Variants in ADGRL2 observed in about 807,000 individuals in gnomAD.
ADGRL2 encodes the protein adhesion G protein-coupled receptor L2.
A neutral mutation model predicts 157.4 loss-of-function variants in ADGRL2; 44 were observed. That is an observed-to-expected ratio of 0.28 (90% confidence interval 0.22 to 0.36). The LOEUF is 0.36. Among genes scored for constraint, ADGRL2 ranks in the 10% least tolerant of loss-of-function variants. The probability of loss-of-function intolerance (pLI) is 1.00; values close to 1 mark genes in which losing one functional copy is unlikely to be tolerated. For synonymous variants in ADGRL2, 585 were observed against 624.7 expected (o/e 0.94, Z 0.95); for missense variants, 1,510 against 1,768.9 (o/e 0.85, Z 2.63).
At chr1:81,888,163 C>T (rs1032567307) in intron 2 of ADGRL2, among the ~76,000 whole-genome samples, 1 of 152,050 alleles carries the variant, frequency 6.6e-6, no homozygotes, top group Non-Finnish European at 1.5e-5. Context: ...GGTATGGAGA[C>T]AATAAGTTAC....
chr1:81,613,417 C>G lies in ADGRL2; in HGVS notation c.-143+32437C>G, dbSNP rs546127198. ...TGAAAGCCTGGGAAGGAGGTGAGGC[C>G]GTAACTGAATCTTGAAGGTCATATA... On this transcript the variant is annotated intron_variant, in intron 3 of 24. Coordinates refer to the ADGRL2 transcript ENST00000370721. 5.0e-4 allele frequency among the ~76,000 whole-genome samples: 76 copies of G among 152,116 alleles called. No homozygotes were observed. In the Middle Eastern group the frequency reaches 0.01, roughly 20 times the overall value.
chr1:81,522,085 C>T (rs900893468), intron 2 of ADGRL2, among the ~76,000 whole-genome samples: 3 of 151,870 alleles, frequency 2.0e-5, no homozygotes, highest in Non-Finnish European at 4.4e-5. Flanking sequence ...CTTCCTCAGC[C>T]TCTTGGGTAG....
At chr1:81,521,538 A>C (rs1412718256) in intron 2 of ADGRL2, among the ~76,000 whole-genome samples, 1 of 152,204 alleles carries the variant, frequency 6.6e-6, no homozygotes, top group Non-Finnish European at 1.5e-5. Context: ...ACTTACCTAT[A>C]TATCATATTA....
intron 1 of ADGRL2, among the ~76,000 whole-genome samples, chr1:81,801,854 C>G (rs2088215886): frequency 6.6e-6 from 1 of 152,234 alleles, no homozygotes; most frequent in Admixed American, 6.5e-5. Flanking sequence ...CTTCCACCAC[C>G]CCTTTCGCTC....
At chr1:81,406,617 A>C (rs903829675) in intron 1 of ADGRL2, among the ~76,000 whole-genome samples, 1 of 152,140 alleles carries the variant, frequency 6.6e-6, no homozygotes, top group African/African-American at 2.4e-5. Context: ...TTCACTCTCA[A>C]GTTTTGAATA....
intron 1 of ADGRL2, among the ~76,000 whole-genome samples, chr1:81,821,639 C>T (rs1466053419): frequency 6.6e-6 from 1 of 152,058 alleles, no homozygotes; most frequent in African/African-American, 2.4e-5. Flanking sequence ...GAAATAAAAT[C>T]TAAATTCATA....
At chr1:81,731,578 T>C (rs2084723346) in intron 1 of ADGRL2, among the ~76,000 whole-genome samples, 1 of 152,204 alleles carries the variant, frequency 6.6e-6, no homozygotes, top group African/African-American at 2.4e-5. Context: ...GCAAATTTTC[T>C]TTTTTGGTAA....
At chr1:81,397,490 C>T (rs1158601780) in intron 1 of ADGRL2, among the ~76,000 whole-genome samples, 1 of 151,606 alleles carries the variant, frequency 6.6e-6, no homozygotes, top group Non-Finnish European at 1.5e-5. Context: ...AGACTAATTT[C>T]TTGCATTTTT....
chr1:81,753,673 C>T (rs997352338), intron 1 of ADGRL2, among the ~76,000 whole-genome samples: 3 of 152,110 alleles, frequency 2.0e-5, no homozygotes, highest in African/African-American at 7.2e-5. Context: ...TCCAGTTTGT[C>T]AATTCGGAAT....
At chr1:81,392,437 T>G (rs1193282789) in intron 1 of ADGRL2, among the ~76,000 whole-genome samples, 2 of 151,926 alleles carry the variant, frequency 1.3e-5, no homozygotes, top group East Asian at 3.9e-4. Flanking sequence ...TTCTGCAAAA[T>G]TATGCTGGAG....
intron 2 of ADGRL2, among the ~76,000 whole-genome samples, chr1:81,780,948 C>G (rs1012875643): frequency 6.6e-6 from 1 of 152,192 alleles, no homozygotes; most frequent in Non-Finnish European, 1.5e-5. Flanking sequence ...AATACATCCT[C>G]TTAACCTTTC....
intron 2 of ADGRL2, among the ~76,000 whole-genome samples, chr1:81,859,069 G>T (rs2150719215): frequency 6.6e-6 from 1 of 152,200 alleles, no homozygotes; most frequent in East Asian, 1.9e-4. Context: ...CAAATTATTT[G>T]ATAACTAGAG....
rs1299123298 is a variant in ADGRL2 at position 81,645,416 on chromosome 1, A to AT, written c.-143+64436_-143+64437insT. On this transcript the variant is annotated intron_variant, in intron 3 of 24. Coordinates refer to the ADGRL2 transcript ENST00000370721. ...TGTCTCAAAAAAAAAAAAAAAAAAA[A>AT]AAATTAAATTAAATGCACGAGTACA... 3.4e-5 allele frequency among the ~76,000 whole-genome samples: 5 copies of AT among 146,814 alleles called. No individual in the cohort carries two copies. The South Asian group carries it at 1.1e-3, about 31-fold the overall frequency.
In ADGRL2 at chr1:81,844,409, G is replaced by A. The variant is rs116978133; in HGVS notation, c.73+7352G>A. Among the ~76,000 whole-genome samples the A allele has an allele frequency of 7.9e-4, 120 of 152,102 alleles. No individual in the cohort carries two copies. In the East Asian group the frequency reaches 0.017, roughly 22 times the overall value. On this transcript the variant is annotated intron_variant, in intron 2 of 23. Coordinates refer to ENST00000686636, the MANE Select transcript of ADGRL2 (RefSeq NM_001366006.2). ...AATACACTTTAATTTTTTAATATAC[G>A]ATAGCTTGTGATATTAGAGAATAAG...
At chr1:81,823,500 T>C (rs1219704547) in intron 1 of ADGRL2, among the ~76,000 whole-genome samples, 1 of 151,902 alleles carries the variant, frequency 6.6e-6, no homozygotes, top group Non-Finnish European at 1.5e-5. Context: ...TCAGGCACTA[T>C]GCATGGGTTA....
intron 2 of ADGRL2, among the ~76,000 whole-genome samples, chr1:81,767,210 G>T (rs1025608565): frequency 7.9e-5 from 12 of 152,226 alleles, no homozygotes; most frequent in African/African-American, 2.6e-4. Context: ...GTATTCTATT[G>T]TAAGATTTAT....
intron 2 of ADGRL2, among the ~76,000 whole-genome samples, chr1:81,764,933 T>C (rs1248082819): frequency 7.9e-5 from 12 of 152,084 alleles, no homozygotes; most frequent in African/African-American, 2.9e-4. Flanking sequence ...TTTCATTCAT[T>C]TGTAAAATTC....
At chr1:81,872,905 T>G (rs775471356) in intron 2 of ADGRL2, among the ~76,000 whole-genome samples, 1 of 152,122 alleles carries the variant, frequency 6.6e-6, no homozygotes, top group Non-Finnish European at 1.5e-5. Context: ...TAAATATGAA[T>G]ATCAGAAGCA....
At chr1:81,688,035 T>C (rs1373690070) in intron 3 of ADGRL2, among the ~76,000 whole-genome samples, 1 of 152,224 alleles carries the variant, frequency 6.6e-6, no homozygotes, top group East Asian at 1.9e-4. Flanking sequence ...TGCTGAGATA[T>C]CTGCTGTTAA....
Sources: allele counts gnomAD v4.1 joint callset (sites outside exome capture counted in the v4.1 genomes callset), GRCh38; gene constraint gnomAD v4.1.1; transcripts MANE v1.5; gene names NCBI Gene and HGNC (gene_info 2026-07-23, HGNC 2026-07-21).